Variants in IQCB1 observed in about 807,000 individuals in gnomAD.
IQCB1 encodes the protein IQ calmodulin-binding motif-containing protein 1.
IQCB1 carries 56 observed loss-of-function variants against 84.4 expected under a neutral mutation model. The observed-to-expected ratio is 0.66, with a 90% confidence interval of 0.54 to 0.83. IQCB1 has a LOEUF of 0.83. IQCB1 is among the 40% of genes least tolerant of loss of function. IQCB1 has a pLI of 0.00. For missense variants in IQCB1, 629 were observed against 682.1 expected (o/e 0.92, Z 0.87); for synonymous variants, 210 against 234.8 (o/e 0.89, Z 0.96).
intron 5 of IQCB1, among the ~76,000 whole-genome samples, chr3:121,813,837 C>G (rs1049418726): frequency 6.6e-6 from 1 of 152,134 alleles, no homozygotes; most frequent in Non-Finnish European, 1.5e-5. Context: ...GACTTTAACA[C>G]CCCACTGTCA....
intron 7 of IQCB1, among the ~76,000 whole-genome samples, chr3:121,803,990 C>CT (rs545830288): frequency 2.0e-4 from 29 of 148,116 alleles, no homozygotes; most frequent in Non-Finnish European, 2.7e-4. Context: ...CTTTGTTCTT[C>CT]TTTTTTTTTT....
intron 2 of IQCB1, among the ~76,000 whole-genome samples, chr3:121,833,035 C>G (rs751302797): frequency 4.6e-5 from 7 of 152,166 alleles, no homozygotes; most frequent in Non-Finnish European, 1.0e-4. Context: ...GCTAGTACAA[C>G]ATAGTTCATT....
chr3:121,805,856 G>A (rs1018312687), intron 7 of IQCB1, among the ~76,000 whole-genome samples: 2 of 152,080 alleles, frequency 1.3e-5, no homozygotes, highest in Non-Finnish European at 2.9e-5. Flanking sequence ...TACATGTATA[G>A]CTCTCTTCTC....
At chr3:121,788,692 C>CA (rs1948834776) in intron 11 of IQCB1, among the ~76,000 whole-genome samples, 2 of 137,578 alleles carry the variant, frequency 1.5e-5, no homozygotes, top group Admixed American at 1.5e-4. Context: ...AAATCCAATA[C>CA]AAAGAACACT....
Position 121,790,094 on chromosome 3 carries a change from T to TA in IQCB1, c.1107dup (p.Met370TyrfsTer49), listed in dbSNP as rs1559765365. The TA allele has an allele frequency of 6.2e-7, 1 of 1,613,756 alleles. No homozygotes were observed. The highest frequency in any genetic ancestry group is 1.7e-4 in the Middle Eastern group (1 of 6,056). ...TCACCTGGATGAACTATTTCGAGCA[T>TA]ACTCAGCTGCAATTCTCGGGAAAGT... On this transcript the variant is annotated frameshift_variant, in exon 11 of 15. Coordinates refer to ENST00000310864, the MANE Select transcript of IQCB1 (RefSeq NM_001023570.4). LOFTEE classifies it high-confidence loss of function.
chr3:121,786,170 C>CAAGAAAAGAAAAGAAAAGAAAAGAA lies in IQCB1; in HGVS notation c.1278+2113_1278+2114insTTCTTTTCTTTTCTTTTCTTTTCTT. Among the ~76,000 whole-genome samples the CAAGAAAAGAAAAGAAAAGAAAAGAA allele has an allele frequency of 2.7e-4, 20 of 72,870 alleles. 1 individual carries two copies. Among genetic ancestry groups the CAAGAAAAGAAAAGAAAAGAAAAGAA allele is most frequent in the African/African-American group, 1.3e-3 (20 of 15,448 alleles). 47.8% of individuals were successfully genotyped at this position (72,870 alleles called of 152,430 possible). A position where few individuals can be genotyped will look rare whatever the true frequency, so the allele number is the denominator to read the frequency against. On this transcript the variant is annotated intron_variant, in intron 12 of 14. Coordinates refer to ENST00000310864, the MANE Select transcript of IQCB1 (RefSeq NM_001023570.4). ...TGGGAGACAGAGAGAGATTCTGTCT[C>CAAGAAAAGAAAAGAAAAGAAAAGAA]AAAAGAAAAGAAAAGAAAAGAAAAG... is the stretch of plus-strand genomic sequence containing the variant.
chr3:121,834,139 G>C (rs1708117125), intron 2 of IQCB1: 1 of 152,200 alleles, frequency 6.6e-6, no homozygotes, highest in African/African-American at 2.4e-5. Context: ...CCTTCAAAGG[G>C]TAGGATTTAC....
At chr3:121,827,401 C>T (rs994639218) in intron 4 of IQCB1, among the ~76,000 whole-genome samples, 13 of 151,802 alleles carry the variant, frequency 8.6e-5, no homozygotes, top group Admixed American at 2.0e-4. Context: ...TCTTTGGTTC[C>T]TAAAGTTAAT....
intron 13 of IQCB1, among the ~76,000 whole-genome samples, chr3:121,779,904 A>C (rs1275498700): frequency 5.3e-5 from 8 of 152,214 alleles, no homozygotes; most frequent in African/African-American, 1.9e-4. Flanking sequence ...CCTGTGAATT[A>C]TGAGTTTCTC....
chr3:121,830,371 G>C (rs1368868327), intron 2 of IQCB1, among the ~76,000 whole-genome samples: 2 of 151,602 alleles, frequency 1.3e-5, no homozygotes, highest in African/African-American at 4.8e-5. Flanking sequence ...TTCAAGACTA[G>C]CCTGGTCAAC....
intron 13 of IQCB1, among the ~76,000 whole-genome samples, chr3:121,777,887 C>T (rs11707504): frequency 0.25 from 37,363 of 150,516 alleles, 4,933 homozygotes; most frequent in Non-Finnish European, 0.28. Flanking sequence ...CTTGTATATA[C>T]GTCTGTTCAT....
rs1948897180 is a variant in IQCB1 at position 121,790,053 on chromosome 3, A to T, written c.1129+20T>A. 1 of 1,603,808 alleles carries T rather than the reference A, an allele frequency of 6.2e-7. No homozygotes were observed. Among genetic ancestry groups the T allele is most frequent in the African/African-American group, 1.3e-5 (1 of 74,706 alleles). On this transcript the variant is annotated intron_variant, in intron 11 of 14. Transcript: ENST00000310864. ...TAACCTAAATATTCTTATATTGATA[A>T]AGTTGATACTGCCACTCACCTGGAT...
intron 10 of IQCB1, among the ~76,000 whole-genome samples, chr3:121,791,024 T>C (rs1948944112): frequency 6.6e-6 from 1 of 152,314 alleles, no homozygotes; most frequent in Middle Eastern, 3.4e-3. Flanking sequence ...TTTTTGTTGC[T>C]TCCAATATCA....
At chr3:121,805,515 A>T (rs1949571411) in intron 7 of IQCB1, among the ~76,000 whole-genome samples, 1 of 152,174 alleles carries the variant, frequency 6.6e-6, no homozygotes, top group Non-Finnish European at 1.5e-5. Flanking sequence ...AGGTTCAATA[A>T]CCACATGCAG....
intron 2 of IQCB1, 29 bp from the exon 3 acceptor site, chr3:121,829,001 G>T (rs750663229): frequency 8.1e-7 from 1 of 1,227,784 alleles, no homozygotes; most frequent in Non-Finnish European, 1.2e-6. Context: ...AGAGAATAAA[G>T]GTCAAAAAGC....
At chr3:121,794,337 G>GT (rs1949100791) in intron 10 of IQCB1, among the ~76,000 whole-genome samples, 1 of 151,830 alleles carries the variant, frequency 6.6e-6, no homozygotes, top group Non-Finnish European at 1.5e-5. Flanking sequence ...TAAAAACTTT[G>GT]TATTATCTCA....
chr3:121,777,910 CTT>C (rs1224307296), intron 13 of IQCB1, among the ~76,000 whole-genome samples: 27 of 141,646 alleles, frequency 1.9e-4, no homozygotes, highest in Admixed American at 2.8e-4. Context: ...TTCTTGCCCA[CTT>C]TTTTTTTTTT....
intron 13 of IQCB1, among the ~76,000 whole-genome samples, chr3:121,776,726 T>C (rs1309330861): frequency 6.6e-6 from 1 of 152,208 alleles, no homozygotes; most frequent in East Asian, 1.9e-4. Flanking sequence ...GTGGTTTTAA[T>C]GTGCATTTTC....
intron 14 of IQCB1, among the ~76,000 whole-genome samples, chr3:121,771,540 G>A (rs1947993356): frequency 6.6e-6 from 1 of 151,978 alleles, no homozygotes; most frequent in African/African-American, 2.4e-5. Flanking sequence ...TGTTGGTCAT[G>A]CTGGTCTCGA....
Sources: allele counts gnomAD v4.1 joint callset (sites outside exome capture counted in the v4.1 genomes callset), GRCh38; gene constraint gnomAD v4.1.1; transcripts MANE v1.5; gene names NCBI Gene and HGNC (gene_info 2026-07-23, HGNC 2026-07-21).